Variants in CNTN1 observed in about 807,000 individuals in gnomAD.
CNTN1 encodes the protein contactin 1.
A neutral mutation model predicts 126.4 loss-of-function variants in CNTN1; 38 were observed. The ratio of observed to expected loss-of-function variants is 0.30; its 90% CI spans 0.23 to 0.39. The LOEUF is 0.39. Ranked by LOEUF, CNTN1 falls within the 10% of genes least tolerant of loss-of-function variation. The pLI is 1.00. For missense variants in CNTN1, 1,009 were observed against 1,248.4 expected (o/e 0.81, Z 2.89); for synonymous variants, 413 against 422.6 (o/e 0.98, Z 0.28).
chr12:40,883,690 TA>T (rs1202999912), intron 1 of CNTN1, among the ~76,000 whole-genome samples: 3 of 151,596 alleles, frequency 2.0e-5, no homozygotes, highest in Non-Finnish European at 3.0e-5. Flanking sequence ...TGTCCTCATT[TA>T]AAAGCAAAAA....
chr12:40,747,280 T>A (rs1465334451), intron 1 of CNTN1, among the ~76,000 whole-genome samples: 1 of 149,036 alleles, frequency 6.7e-6, no homozygotes, highest in Non-Finnish European at 1.5e-5. Flanking sequence ...CATATTATAA[T>A]AGTATTCCAA....
intron 1 of CNTN1, among the ~76,000 whole-genome samples, chr12:40,816,862 C>T (rs1192347600): frequency 6.6e-6 from 1 of 152,138 alleles, no homozygotes; most frequent in Non-Finnish European, 1.5e-5. Context: ...TCATTGGTTT[C>T]AAATAACTTC....
intron 1 of CNTN1, among the ~76,000 whole-genome samples, chr12:40,832,822 C>G (rs1051842664): frequency 6.6e-6 from 1 of 152,136 alleles, no homozygotes; most frequent in Non-Finnish European, 1.5e-5. Flanking sequence ...TCTGGGCTCT[C>G]ACACTCTGGG....
chr12:40,793,112 G>A (rs920493344), intron 1 of CNTN1, among the ~76,000 whole-genome samples: 1 of 152,052 alleles, frequency 6.6e-6, no homozygotes, highest in Admixed American at 6.6e-5. Context: ...ACTTACCACA[G>A]GCTAGCGTCT....
intron 1 of CNTN1, among the ~76,000 whole-genome samples, chr12:40,862,208 T>TACACACACACACACACACACACAC (rs145686900): frequency 2.7e-5 from 4 of 147,254 alleles, no homozygotes; most frequent in African/African-American, 1.0e-4. Context: ...TGTCTCTTAA[T>TACACACACACACACACACACACAC]ACACACACAC....
At chr12:40,799,937 C>T (rs1424620581) in intron 1 of CNTN1, among the ~76,000 whole-genome samples, 1 of 151,784 alleles carries the variant, frequency 6.6e-6, no homozygotes, top group Non-Finnish European at 1.5e-5. Context: ...AATAACTAAG[C>T]GTACAATATG....
At chr12:40,823,448 G>C (rs1306638907) in intron 1 of CNTN1, among the ~76,000 whole-genome samples, 1 of 152,158 alleles carries the variant, frequency 6.6e-6, no homozygotes, top group East Asian at 1.9e-4. Flanking sequence ...AATGGAAATA[G>C]ATGCTACTTA....
At chr12:41,020,891 T>C (rs369253472) in intron 20 of CNTN1, among the ~76,000 whole-genome samples, 8 of 152,326 alleles carry the variant, frequency 5.3e-5, no homozygotes, top group African/African-American at 1.4e-4. Flanking sequence ...TCTTATGTTA[T>C]CTATGAAGTA....
intron 17 of CNTN1, among the ~76,000 whole-genome samples, chr12:40,994,041 A>G (rs1480292310): frequency 6.6e-6 from 1 of 152,140 alleles, no homozygotes; most frequent in Non-Finnish European, 1.5e-5. Flanking sequence ...ATTATTCTTA[A>G]AAAATATTTA....
At chr12:40,981,919 TTCC>T (rs1012501388) in intron 16 of CNTN1, among the ~76,000 whole-genome samples, 3 of 151,372 alleles carry the variant, frequency 2.0e-5, no homozygotes, top group African/African-American at 7.3e-5. Context: ...GAATAAAATG[TTCC>T]TCCTTTTTAA....
At chr12:40,702,603 C>G (rs1446539003) in intron 1 of CNTN1, among the ~76,000 whole-genome samples, 2 of 152,092 alleles carry the variant, frequency 1.3e-5, no homozygotes, top group African/African-American at 4.8e-5. Flanking sequence ...TGCCACCATG[C>G]TCCGCTAATT....
chr12:40,964,489 G>A lies in CNTN1; in HGVS notation c.1804+5255G>A, dbSNP rs564602871. Among the ~76,000 whole-genome samples, 3 of 151,272 alleles carry A rather than the reference G, an allele frequency of 2.0e-5. No individual in the cohort carries two copies. In the South Asian group the frequency reaches 6.3e-4, roughly 32 times the overall value. On this transcript the variant is annotated intron_variant, in intron 15 of 23. Coordinates refer to ENST00000551295, the MANE Select transcript of CNTN1 (RefSeq NM_001843.4). ...TAGAAGCTTATTTATTTAACCTTAC[G>A]TGGACTTGTATTTAGGTGAAAACAC...
intron 14 of CNTN1, among the ~76,000 whole-genome samples, chr12:40,953,573 T>A (rs994410091): frequency 3.9e-5 from 6 of 152,162 alleles, no homozygotes; most frequent in Non-Finnish European, 8.8e-5. Flanking sequence ...GTAGAACCAG[T>A]GAGAATAAAC....
chr12:40,813,162 T>C (rs1941146526), intron 1 of CNTN1, among the ~76,000 whole-genome samples: 1 of 150,628 alleles, frequency 6.6e-6, no homozygotes, highest in Admixed American at 6.7e-5. Context: ...TTCCCCTCCT[T>C]TCTTTTCATT....
chr12:40,964,904 C>T (rs1048230335), intron 15 of CNTN1, among the ~76,000 whole-genome samples: 23 of 152,114 alleles, frequency 1.5e-4, no homozygotes, highest in African/African-American at 5.1e-4. Context: ...GGGTATTTTA[C>T]TCCCAGCTGG....
At chr12:40,785,181 T>C (rs1286956258) in intron 1 of CNTN1, among the ~76,000 whole-genome samples, 2 of 152,198 alleles carry the variant, frequency 1.3e-5, no homozygotes, top group Non-Finnish European at 2.9e-5. Context: ...CTGTCTGTAT[T>C]GTTCCATTTT....
intron 1 of CNTN1, among the ~76,000 whole-genome samples, chr12:40,734,224 T>C (rs1245652107): frequency 2.0e-5 from 3 of 152,068 alleles, no homozygotes; most frequent in African/African-American, 7.2e-5. Flanking sequence ...TAAGAACTAA[T>C]GATTAGGCCA....
chr12:40,918,410 A>C (rs1945320459), intron 3 of CNTN1, among the ~76,000 whole-genome samples: 1 of 152,160 alleles, frequency 6.6e-6, no homozygotes, highest in South Asian at 2.1e-4. Context: ...AAAGTAGTTA[A>C]GTTTGGCAAC....
At chr12:41,019,296 A>T (rs1948854809) in intron 19 of CNTN1, among the ~76,000 whole-genome samples, 2 of 152,232 alleles carry the variant, frequency 1.3e-5, no homozygotes, top group South Asian at 2.1e-4. Context: ...GCTTTACTTG[A>T]TGCTAAAATA....
Sources: gnomAD v4.1 joint callset for allele counts (sites outside exome capture counted in the v4.1 genomes callset) on GRCh38, gnomAD v4.1.1 for gene constraint, MANE v1.5 for transcripts, NCBI Gene and HGNC (gene_info 2026-07-23, HGNC 2026-07-21) for gene names.